SLC35F1: variants seen among roughly 807,000 people sequenced by gnomAD.
SLC35F1 encodes the protein solute carrier family 35 member F1, also known as chromosome 6 open reading frame 169.
In SLC35F1, 14 loss-of-function variants were observed where a neutral mutation model predicts 48.7. The ratio of observed to expected loss-of-function variants is 0.29; its 90% CI spans 0.19 to 0.45. SLC35F1 has a LOEUF of 0.45. SLC35F1 is among the 20% of genes least tolerant of loss of function. SLC35F1 has a pLI of 1.00. For missense variants in SLC35F1, 404 were observed against 500.0 expected, an observed-to-expected ratio of 0.81 and a Z score of 1.83; for synonymous variants, 190 against 202.2, an observed-to-expected ratio of 0.94 and a Z score of 0.51.
chr6:118,215,828 A>G (rs1012205574), intron 2 of SLC35F1, among the ~76,000 whole-genome samples: 5 of 152,176 alleles, frequency 3.3e-5, no homozygotes, highest in African/African-American at 1.2e-4. Context: ...GCAAAGCTAC[A>G]TTATCTTAGC....
chr6:118,011,840 T>C (rs547729834), intron 1 of SLC35F1, among the ~76,000 whole-genome samples: 1 of 152,242 alleles, frequency 6.6e-6, no homozygotes, highest in African/African-American at 2.4e-5. Flanking sequence ...AAATTGTCAA[T>C]AGTCCTGTAG....
At chr6:117,995,827 A>G (rs78353338) in intron 1 of SLC35F1, among the ~76,000 whole-genome samples, 2,404 of 152,324 alleles carry the variant, frequency 0.016, 25 homozygotes, top group Non-Finnish European at 0.028. Context: ...GGCCAAATCC[A>G]TTTTAATTGG....
chr6:118,070,065 A>G (rs1447173196), intron 1 of SLC35F1, among the ~76,000 whole-genome samples: 1 of 138,322 alleles, frequency 7.2e-6, no homozygotes, highest in African/African-American at 2.7e-5. Context: ...GAACCCGGGA[A>G]GCGGAGCTTG....
chr6:118,159,899 T>C (rs932064621), intron 2 of SLC35F1, among the ~76,000 whole-genome samples: 1 of 152,236 alleles, frequency 6.6e-6, no homozygotes, highest in African/African-American at 2.4e-5. Flanking sequence ...TTTTAACTTC[T>C]GAGTGTATAT....
chr6:118,270,657 TTG>T (rs1267177132), intron 4 of SLC35F1, among the ~76,000 whole-genome samples: 1 of 152,202 alleles, frequency 6.6e-6, no homozygotes, highest in Non-Finnish European at 1.5e-5. Flanking sequence ...TGTATTCTCT[TTG>T]TCACCTTGGC....
At chr6:117,969,541 G>A (rs1776613019) in intron 1 of SLC35F1, among the ~76,000 whole-genome samples, 1 of 152,128 alleles carries the variant, frequency 6.6e-6, no homozygotes, top group African/African-American at 2.4e-5. Context: ...AGGCAACATA[G>A]TGAGACTTCA....
At chr6:118,286,795 G>T (rs1345639748) in intron 7 of SLC35F1, among the ~76,000 whole-genome samples, 2 of 139,516 alleles carry the variant, frequency 1.4e-5, no homozygotes, top group South Asian at 2.3e-4. Context: ...GTGTGTGTGT[G>T]TGTGTGTGTT....
At chr6:117,991,983 TTC>T (rs1318445120) in intron 1 of SLC35F1, among the ~76,000 whole-genome samples, 2 of 152,234 alleles carry the variant, frequency 1.3e-5, no homozygotes, top group East Asian at 1.9e-4. Context: ...GGAAAATTTT[TTC>T]TCTGTTTTTC....
chr6:118,002,618 A>G (rs1295814455), intron 1 of SLC35F1, among the ~76,000 whole-genome samples: 1 of 152,010 alleles, frequency 6.6e-6, no homozygotes, highest in African/African-American at 2.4e-5. Flanking sequence ...ATAAAATTTA[A>G]AAAAAGAAGA....
intron 2 of SLC35F1, among the ~76,000 whole-genome samples, chr6:118,217,190 A>G (rs1408709551): frequency 6.6e-6 from 1 of 152,228 alleles, no homozygotes; most frequent in African/African-American, 2.4e-5. Flanking sequence ...CCCAGTGTTC[A>G]TAGCAGCGTT....
chr6:118,172,946 C>A (rs983497961), intron 2 of SLC35F1, among the ~76,000 whole-genome samples: 18 of 151,958 alleles, frequency 1.2e-4, no homozygotes. Context: ...GAGAAGCACA[C>A]AATTAAATGA....
intron 1 of SLC35F1, among the ~76,000 whole-genome samples, chr6:117,969,011 A>AT (rs879261044): frequency 6.6e-6 from 1 of 152,204 alleles, no homozygotes; most frequent in Non-Finnish European, 1.5e-5. Context: ...TGGGTAGCTT[A>AT]TAGCCTAGAA....
At chr6:118,002,559 C>A (rs1489602543) in intron 1 of SLC35F1, among the ~76,000 whole-genome samples, 1 of 151,384 alleles carries the variant, frequency 6.6e-6, no homozygotes, top group Non-Finnish European at 1.5e-5. Flanking sequence ...ATGTAACTAA[C>A]CTGCACATTG....
chr6:117,989,094 A>G (rs1270901827), intron 1 of SLC35F1, among the ~76,000 whole-genome samples: 1 of 152,220 alleles, frequency 6.6e-6, no homozygotes, highest in Non-Finnish European at 1.5e-5. Context: ...GATGATTCGT[A>G]GTCAGTGACT....
chr6:117,982,386 GC>G (rs1479917931), intron 1 of SLC35F1, among the ~76,000 whole-genome samples: 3 of 152,184 alleles, frequency 2.0e-5, no homozygotes, highest in Non-Finnish European at 4.4e-5. Flanking sequence ...TAGCATTGAA[GC>G]CTTTATTTCA....
At position 118,255,490 on chromosome 6, in the gene SLC35F1, G is replaced by A. The variant is rs146106979; in HGVS notation, c.478-11505G>A. On this transcript the variant is annotated intron_variant, in intron 3 of 7. Transcript: ENST00000360388. ...GCTCTCACCGAAGGCAGATTTCCCC[G>A]CAACTGAGCTAGAGAGCTTGTGTCT... 5.6e-3 allele frequency among the ~76,000 whole-genome samples: 852 copies of A among 152,258 alleles called. 13 individuals carry two copies. The highest frequency in any genetic ancestry group is 0.018 in the African/African-American group (764 of 41,560).
chr6:118,085,839 G>C (rs939076475), intron 1 of SLC35F1, among the ~76,000 whole-genome samples: 1 of 152,040 alleles, frequency 6.6e-6, no homozygotes, highest in East Asian at 1.9e-4. Context: ...TGGATTTGGG[G>C]CCTAAATTAT....
chr6:118,233,399 A>G (rs1042153918), intron 2 of SLC35F1, among the ~76,000 whole-genome samples: 8 of 152,234 alleles, frequency 5.3e-5, no homozygotes, highest in Admixed American at 2.0e-4. Flanking sequence ...AGAGCTGTTC[A>G]AAGACTGCCA....
At chr6:117,973,929 A>G (rs1776674962) in intron 1 of SLC35F1, among the ~76,000 whole-genome samples, 1 of 152,214 alleles carries the variant, frequency 6.6e-6, no homozygotes, top group Non-Finnish European at 1.5e-5. Flanking sequence ...GGTAAACTAC[A>G]TCCAGTGAAT....
Sources: gnomAD v4.1 joint callset for allele counts (sites outside exome capture counted in the v4.1 genomes callset) on GRCh38, gnomAD v4.1.1 for gene constraint, MANE v1.5 for transcripts, NCBI Gene and HGNC (gene_info 2026-07-23, HGNC 2026-07-21) for gene names.